FRMPD4: variants seen among roughly 807,000 people sequenced by gnomAD.
The protein encoded by FRMPD4 is FERM and PDZ domain-containing protein 4.
A neutral mutation model predicts 94.1 loss-of-function variants in FRMPD4; 22 were observed. That is an observed-to-expected ratio of 0.23 (90% CI 0.17 to 0.33). The LOEUF is 0.33. Among genes scored for constraint, FRMPD4 ranks in the 10% least tolerant of loss-of-function variants. The probability of loss-of-function intolerance (pLI) is 1.00; values close to 1 mark genes in which losing one functional copy is unlikely to be tolerated. For missense variants in FRMPD4, 1,111 were observed against 1,339.9 expected (o/e 0.83, Z 2.67); for synonymous variants, 631 against 548.6 (o/e 1.15, Z -2.10).
At chrX:12,569,434 A>G (rs1269665607) in intron 2 of FRMPD4, among the ~76,000 whole-genome samples, 3 of 112,072 alleles carry the variant, frequency 2.7e-5, no homozygotes, top group Non-Finnish European at 5.6e-5. Context: ...AGGCATTAAG[A>G]TAGTTTCTTC....
At chrX:12,419,208 T>TCA (rs780492858) in intron 1 of FRMPD4, among the ~76,000 whole-genome samples, 37 of 111,425 alleles carry the variant, frequency 3.3e-4, no homozygotes, top group Non-Finnish European at 6.8e-4. Flanking sequence ...ACATACTACA[T>TCA]CACCTCCTCC....
At position 12,099,069 on chromosome X, in the gene FRMPD4, G is replaced by C. The variant is rs1413744598; in HGVS notation, c.95+221051G>C. ...CACACTCTGGGGACTGTTGTGGGGTGGGGGGAGGGGGGAGGGGGGAGGGAT... is the reference window on the plus strand; with the variant it reads ...CACACTCTGGGGACTGTTGTGGGGTCGGGGGAGGGGGGAGGGGGGAGGGAT... On this transcript the variant is annotated intron_variant, in intron 3 of 18. Coordinates refer to the FRMPD4 transcript ENST00000640291. 3.0e-4 allele frequency among the ~76,000 whole-genome samples: 23 copies of C among 75,470 alleles called. No individual in the cohort carries two copies. In the East Asian group the frequency reaches 8.1e-3, roughly 26 times the overall value. 65.5% of individuals were successfully genotyped at this position (75,470 alleles called of 115,157 possible).
chrX:12,667,860 A>G (rs892644235), intron 4 of FRMPD4, among the ~76,000 whole-genome samples: 1 of 112,274 alleles, frequency 8.9e-6, no homozygotes, highest in Non-Finnish European at 1.9e-5. Flanking sequence ...TTAGGGTAGG[A>G]TAGACTATAT....
At chrX:12,274,940 C>G (rs929232379) in intron 1 of FRMPD4, among the ~76,000 whole-genome samples, 2 of 111,946 alleles carry the variant, frequency 1.8e-5, no homozygotes, top group East Asian at 5.7e-4. Context: ...ACCCGGGAGG[C>G]GGAGCTTGCA....
intron 1 of FRMPD4, among the ~76,000 whole-genome samples, chrX:12,174,765 T>A (rs1374712017): frequency 8.9e-6 from 1 of 112,111 alleles, no homozygotes; most frequent in Non-Finnish European, 1.9e-5. Context: ...TTGAGACCCA[T>A]TGATATCAAT....
intron 3 of FRMPD4, among the ~76,000 whole-genome samples, chrX:11,926,009 A>G (rs1414880573): frequency 9.0e-6 from 1 of 111,054 alleles, no homozygotes; most frequent in East Asian, 2.8e-4. Context: ...ATAAAAAAGA[A>G]AAGAGAGAAG....
At chrX:12,054,819 T>A (rs894640516) in intron 3 of FRMPD4, 3 of 112,070 alleles carry the variant, frequency 2.7e-5, no homozygotes, top group Admixed American at 1.9e-4. Context: ...TTTAAAAAAA[T>A]TTTTTTAAGA....
chrX:12,070,647 C>T (rs1203076630), intron 3 of FRMPD4, among the ~76,000 whole-genome samples: 1 of 111,870 alleles, frequency 8.9e-6, no homozygotes, highest in African/African-American at 3.2e-5. Context: ...GGCCAGGGTG[C>T]ATGAGCCGCA....
At chrX:12,615,429 G>C (rs1467456677) in intron 4 of FRMPD4, among the ~76,000 whole-genome samples, 1 of 112,123 alleles carries the variant, frequency 8.9e-6, no homozygotes, top group Non-Finnish European at 1.9e-5. Flanking sequence ...AATATAAGTA[G>C]TTTGTTATGT....
At chrX:12,400,787 G>T (rs1269893704) in intron 1 of FRMPD4, among the ~76,000 whole-genome samples, 1 of 112,161 alleles carries the variant, frequency 8.9e-6, no homozygotes, top group Admixed American at 9.4e-5. Context: ...TTAAGGTCAT[G>T]AAAGAATTTG....
intron 1 of FRMPD4, among the ~76,000 whole-genome samples, chrX:12,391,977 G>A (rs1419235487): frequency 2.7e-5 from 3 of 111,491 alleles, no homozygotes; most frequent in African/African-American, 9.8e-5. Context: ...ACCTGTAGCT[G>A]TTGAGTGCTT....
intron 1 of FRMPD4, among the ~76,000 whole-genome samples, chrX:12,283,325 A>G (rs779098480): frequency 8.8e-6 from 1 of 113,171 alleles, no homozygotes; most frequent in South Asian, 3.6e-4. Context: ...TTTCTAAGTG[A>G]GTGTTTTTCA....
At chrX:12,160,602 G>C (rs753279062) in intron 1 of FRMPD4, among the ~76,000 whole-genome samples, 1 of 111,646 alleles carries the variant, frequency 9.0e-6, no homozygotes, top group East Asian at 2.8e-4. Context: ...CCTTAATTCA[G>C]TGGTTCTTCT....
intron 14 of FRMPD4, among the ~76,000 whole-genome samples, chrX:12,714,755 C>G (rs752403517): frequency 1.8e-5 from 2 of 111,875 alleles, no homozygotes; most frequent in East Asian, 5.6e-4. Flanking sequence ...CACACTCACA[C>G]ACACACTTCC....
At chrX:12,065,205 C>G (rs3747428) in intron 3 of FRMPD4, among the ~76,000 whole-genome samples, 7,911 of 111,724 alleles carry the variant, frequency 0.071, 271 homozygotes, top group East Asian at 0.23. Context: ...AACCTTTAAA[C>G]AGATTTCTGT....
At chrX:11,912,627 G>A (rs2054002518) in intron 3 of FRMPD4, among the ~76,000 whole-genome samples, 1 of 111,521 alleles carries the variant, frequency 9.0e-6, no homozygotes, top group South Asian at 3.8e-4. Context: ...TTTGCCTGTG[G>A]ATTTCCATTT....
At chrX:12,329,117 G>A (rs1415074108) in intron 1 of FRMPD4, among the ~76,000 whole-genome samples, 1 of 111,954 alleles carries the variant, frequency 8.9e-6, no homozygotes, top group Non-Finnish European at 1.9e-5. Context: ...GACAAATAGA[G>A]TATGATCTAG....
chrX:12,552,852 G>A (rs1365023304), intron 2 of FRMPD4, among the ~76,000 whole-genome samples: 1 of 112,265 alleles, frequency 8.9e-6, no homozygotes, highest in African/African-American at 3.2e-5. Context: ...ATATGTCTGT[G>A]TATATATCCT....
intron 1 of FRMPD4, among the ~76,000 whole-genome samples, chrX:11,829,330 G>C (rs1374382799): frequency 1.8e-5 from 2 of 111,814 alleles, no homozygotes; most frequent in African/African-American, 6.5e-5. Context: ...ATTACCTATT[G>C]TCAGGCTATT....
Sources: gnomAD v4.1 joint callset for allele counts (sites outside exome capture counted in the v4.1 genomes callset) on GRCh38, gnomAD v4.1.1 for gene constraint, MANE v1.5 for transcripts, NCBI Gene and HGNC (gene_info 2026-07-23, HGNC 2026-07-21) for gene names.